ADGRL2: variants seen among roughly 807,000 people sequenced by gnomAD.
ADGRL2 encodes the protein adhesion G protein-coupled receptor L2.
ADGRL2 carries 44 observed loss-of-function variants against 157.4 expected under a neutral mutation model. The observed-to-expected ratio is 0.28, with a 90% CI of 0.22 to 0.36. ADGRL2 has a LOEUF of 0.36. Among genes scored for constraint, ADGRL2 ranks in the 10% least tolerant of loss-of-function variants. The pLI is 1.00. For missense variants in ADGRL2, 1,510 were observed against 1,768.9 expected (o/e 0.85, Z 2.63); for synonymous variants, 585 against 624.7 (o/e 0.94, Z 0.95).
At chr1:81,669,806 G>A (rs1423273536) in intron 3 of ADGRL2, among the ~76,000 whole-genome samples, 2 of 152,110 alleles carry the variant, frequency 1.3e-5, no homozygotes, top group Middle Eastern at 3.4e-3. Context: ...AGCCAGGCAT[G>A]GTGGCTGGTG....
At chr1:81,945,906 G>T (rs2148993823) in intron 6 of ADGRL2, among the ~76,000 whole-genome samples, 1 of 151,726 alleles carries the variant, frequency 6.6e-6, no homozygotes, top group Admixed American at 6.6e-5. Context: ...TTTATATTAT[G>T]CATTTAGAGA....
intron 1 of ADGRL2, among the ~76,000 whole-genome samples, chr1:81,396,323 C>T (rs895670913): frequency 8.5e-5 from 13 of 152,080 alleles, no homozygotes; most frequent in African/African-American, 2.7e-4. Context: ...TATACAAATG[C>T]TATTGATTTT....
At chr1:81,822,657 C>A (rs1439162934) in intron 1 of ADGRL2, among the ~76,000 whole-genome samples, 1 of 152,024 alleles carries the variant, frequency 6.6e-6, no homozygotes, top group Non-Finnish European at 1.5e-5. Flanking sequence ...GGGCTATAGG[C>A]CTGCGCCACC....
intron 3 of ADGRL2, among the ~76,000 whole-genome samples, chr1:81,594,413 A>G (rs2081192260): frequency 6.6e-6 from 1 of 152,238 alleles, no homozygotes; most frequent in African/African-American, 2.4e-5. Flanking sequence ...ATGCATGCCA[A>G]TGCTTTGGAT....
chr1:81,992,571 AAT>A lies in ADGRL2; in HGVS notation c.*1431_*1432del, dbSNP rs1228679503. On this transcript the variant is annotated 3_prime_UTR_variant, in exon 24 of 24. Coordinates refer to ENST00000686636, the MANE Select transcript of ADGRL2 (RefSeq NM_001366006.2). ...CCTGTTTGTTCTTTATGCTGAAAGGAATATATGTCTTCCAATTGCCCACTACA... is the reference window on the plus strand; with the variant it reads ...CCTGTTTGTTCTTTATGCTGAAAGGAATATGTCTTCCAATTGCCCACTACA... The A allele has an allele frequency of 6.6e-6, 1 of 152,212 alleles. No homozygotes were observed. Among genetic ancestry groups the A allele is most frequent in the African/African-American group, 2.4e-5 (1 of 41,436 alleles). The allele number at this position is 152,212 out of a possible 1,614,324, so 9.4% of individuals were successfully genotyped here. A position where few individuals can be genotyped will look rare whatever the true frequency, so the allele number is the denominator to read the frequency against.
At chr1:81,340,415 G>A (rs1004736365) in intron 1 of ADGRL2, among the ~76,000 whole-genome samples, 1 of 152,104 alleles carries the variant, frequency 6.6e-6, no homozygotes, top group Admixed American at 6.6e-5. Context: ...GTCCACATCA[G>A]TGCTTCCGGT....
chr1:81,563,650 T>C (rs911434300), intron 2 of ADGRL2, among the ~76,000 whole-genome samples: 2 of 152,146 alleles, frequency 1.3e-5, no homozygotes, highest in Non-Finnish European at 2.9e-5. Context: ...TGAGGAAAGA[T>C]CTAAAAGGAA....
At position 81,989,656 on chromosome 1, in the gene ADGRL2, G is replaced by A. The variant is rs758528111; in HGVS notation, c.3656-735G>A. 9 of 1,609,428 alleles carry A rather than the reference G, an allele frequency of 5.6e-6. No homozygotes were observed. The South Asian group carries it at 9.9e-5, about 18-fold the overall frequency. On this transcript the variant is annotated intron_variant, in intron 23 of 23. Coordinates refer to ENST00000686636, the MANE Select transcript of ADGRL2 (RefSeq NM_001366006.2). ...TCATTTTACTTTCTTTTATATATCA[G>A]CTACTCTTAGGCCAGATAGCCTGAG...
intron 1 of ADGRL2, among the ~76,000 whole-genome samples, chr1:81,761,400 C>T (rs2085876693): frequency 6.6e-6 from 1 of 151,848 alleles, no homozygotes; most frequent in African/African-American, 2.4e-5. Flanking sequence ...CTTTAAAAAA[C>T]TGATCAATAT....
chr1:81,367,104 C>A (rs371330389), intron 1 of ADGRL2, among the ~76,000 whole-genome samples: 2 of 152,220 alleles, frequency 1.3e-5, no homozygotes, highest in South Asian at 2.1e-4. Context: ...TATCCAGCAA[C>A]TTTCCTGCTA....
intron 3 of ADGRL2, among the ~76,000 whole-genome samples, chr1:81,616,352 G>A (rs1255023383): frequency 2.0e-5 from 3 of 152,150 alleles, no homozygotes; most frequent in Non-Finnish European, 2.9e-5. Flanking sequence ...CTAAACAAGA[G>A]GCAGGTCTAA....
At chr1:81,784,726 T>C (rs1571211138) in intron 2 of ADGRL2, among the ~76,000 whole-genome samples, 1 of 38,010 alleles carries the variant, frequency 2.6e-5, no homozygotes. Flanking sequence ...AGACCCCGTC[T>C]CAAAAAAAAA....
chr1:81,655,123 C>T (rs1389704203), intron 3 of ADGRL2, among the ~76,000 whole-genome samples: 1 of 152,158 alleles, frequency 6.6e-6, no homozygotes, highest in Non-Finnish European at 1.5e-5. Context: ...CTCAACCTTC[C>T]AAGTGGCCAG....
chr1:81,972,926 A>AAT (rs33958826), intron 17 of ADGRL2, among the ~76,000 whole-genome samples: 1 of 69,606 alleles, frequency 1.4e-5, no homozygotes. Context: ...AAAAAAAAAA[A>AAT]ACTTGCTCAG....
At chr1:81,587,836 T>C (rs1436315936) in intron 3 of ADGRL2, among the ~76,000 whole-genome samples, 1 of 152,040 alleles carries the variant, frequency 6.6e-6, no homozygotes, top group Non-Finnish European at 1.5e-5. Context: ...AGGAGGGATT[T>C]TAGGTTTAGG....
intron 3 of ADGRL2, among the ~76,000 whole-genome samples, chr1:81,680,169 C>T (rs1557560586): frequency 6.6e-6 from 1 of 152,214 alleles, no homozygotes. Flanking sequence ...CCAGTCCACT[C>T]CCACACTGCC....
At chr1:81,464,212 A>G (rs1419199789) in intron 2 of ADGRL2, among the ~76,000 whole-genome samples, 1 of 152,040 alleles carries the variant, frequency 6.6e-6, no homozygotes, top group Non-Finnish European at 1.5e-5. Flanking sequence ...TACAGCCCCA[A>G]AGAAATCATG....
At chr1:81,459,167 C>T (rs1031573863) in intron 2 of ADGRL2, among the ~76,000 whole-genome samples, 1 of 152,144 alleles carries the variant, frequency 6.6e-6, no homozygotes, top group East Asian at 1.9e-4. Flanking sequence ...GGTTTAAAGG[C>T]AACAAGGAAG....
intron 2 of ADGRL2, among the ~76,000 whole-genome samples, chr1:81,448,035 T>C (rs1012208159): frequency 6.6e-6 from 1 of 152,026 alleles, no homozygotes; most frequent in African/African-American, 2.4e-5. Context: ...GCCATGATTG[T>C]AAGTTTCCTG....
Sources: allele counts gnomAD v4.1 joint callset (sites outside exome capture counted in the v4.1 genomes callset), GRCh38; gene constraint gnomAD v4.1.1; transcripts MANE v1.5; gene names NCBI Gene and HGNC (gene_info 2026-07-23, HGNC 2026-07-21).